The following PCSK2 variants were observed in gnomAD, a reference collection of about 807,000 sequenced individuals.
PCSK2 encodes the protein neuroendocrine convertase 2.
In PCSK2, 14 loss-of-function variants were observed where a neutral mutation model predicts 69.7. That is an observed-to-expected ratio of 0.20 (90% CI 0.13 to 0.31). The LOEUF (loss-of-function observed/expected upper bound fraction) is 0.31, where lower values mean the gene tolerates loss of function less well. Ranked by LOEUF, PCSK2 falls within the 10% of genes least tolerant of loss-of-function variation. The probability of loss-of-function intolerance (pLI) is 1.00; values close to 1 mark genes in which losing one functional copy is unlikely to be tolerated. For missense variants in PCSK2, 544 were observed against 842.5 expected, an observed-to-expected ratio of 0.65 and a Z score of 4.39; for synonymous variants, 307 against 320.7, an observed-to-expected ratio of 0.96 and a Z score of 0.46.
intron 2 of PCSK2, among the ~76,000 whole-genome samples, chr20:17,340,760 C>T (rs1990488836): frequency 6.6e-6 from 1 of 152,120 alleles, no homozygotes; most frequent in South Asian, 2.1e-4. Flanking sequence ...CTCCCCTGTT[C>T]CTTGCATTTT....
chr20:17,278,489 A>G (rs1988178656), intron 2 of PCSK2, among the ~76,000 whole-genome samples: 1 of 152,116 alleles, frequency 6.6e-6, no homozygotes. Flanking sequence ...CAAACACCGC[A>G]TGTTCTCACT....
chr20:17,478,936 A>T (rs1291562847), intron 11 of PCSK2: 1 of 590,056 alleles, frequency 1.7e-6, no homozygotes, highest in East Asian at 3.0e-5. Context: ...AATTGCTATG[A>T]TATTGCTTGC....
chr20:17,294,836 G>GT (rs1988834804), intron 2 of PCSK2, among the ~76,000 whole-genome samples: 1 of 152,104 alleles, frequency 6.6e-6, no homozygotes, highest in South Asian at 2.1e-4. Flanking sequence ...ATGTTTGCCT[G>GT]TTTTCCTCCA....
chr20:17,233,039 G>T (rs1986201812), intron 1 of PCSK2, among the ~76,000 whole-genome samples: 1 of 152,158 alleles, frequency 6.6e-6, no homozygotes, highest in Non-Finnish European at 1.5e-5. Context: ...TCCATTTGGT[G>T]CTTTGATGAT....
intron 2 of PCSK2, among the ~76,000 whole-genome samples, chr20:17,292,226 T>C (rs1049731265): frequency 6.6e-6 from 1 of 152,202 alleles, no homozygotes; most frequent in African/African-American, 2.4e-5. Flanking sequence ...ATTTCTTTCA[T>C]GGCCTCAATT....
At chr20:17,455,273 T>C (rs1371935689) in intron 9 of PCSK2, among the ~76,000 whole-genome samples, 2 of 152,154 alleles carry the variant, frequency 1.3e-5, no homozygotes, top group Non-Finnish European at 1.5e-5. Context: ...TGGTAATTTC[T>C]TCCTCAAAAT....
chr20:17,373,056 C>A (rs1022191323), intron 5 of PCSK2, among the ~76,000 whole-genome samples: 1 of 152,094 alleles, frequency 6.6e-6, no homozygotes, highest in African/African-American at 2.4e-5. Context: ...GAGGGATGAG[C>A]CAGCCTGGTG....
intron 1 of PCSK2, 94 bp from the exon 2 acceptor site, chr20:17,260,146 A>T: frequency 1.3e-6 from 1 of 776,112 alleles, no homozygotes; most frequent in East Asian, 2.4e-5. Flanking sequence ...TCCCTACCCC[A>T]TGGAGCCCCT....
At chr20:17,302,025 C>T (rs564449723) in intron 2 of PCSK2, among the ~76,000 whole-genome samples, 5 of 152,104 alleles carry the variant, frequency 3.3e-5, no homozygotes, top group South Asian at 2.1e-4. Flanking sequence ...AGTGTGTGAA[C>T]CCAGAAATAC....
Position 17,436,894 on chromosome 20 carries a change from C to G in PCSK2, c.885+11C>G. 6 of 1,593,936 alleles carry G rather than the reference C, an allele frequency of 3.8e-6. No homozygotes were observed. The highest frequency in any genetic ancestry group is 5.1e-6 in the Non-Finnish European group (6 of 1,171,040). The stretch of plus-strand genomic sequence containing the variant: ...GATGGCGTGAACAAGGTAAGGGGGC[C>G]GGCCCCCTAGGCCCCGGCCACTCAC... On this transcript the variant is annotated intron_variant, in intron 8 of 11. Transcript: ENST00000262545.
At chr20:17,475,826 A>T (rs913477928) in intron 11 of PCSK2, among the ~76,000 whole-genome samples, 2 of 152,140 alleles carry the variant, frequency 1.3e-5, no homozygotes, top group African/African-American at 4.8e-5. Flanking sequence ...AATGATTGCC[A>T]CTCAGTTACA....
chr20:17,303,481 TATATATTATA>T (rs1989191796), intron 2 of PCSK2, among the ~76,000 whole-genome samples: 1 of 49,776 alleles, frequency 2.0e-5, no homozygotes, highest in Non-Finnish European at 4.1e-5. Flanking sequence ...TTATATATAA[TATATATTATA>T]TTTAATATAA....
intron 2 of PCSK2, among the ~76,000 whole-genome samples, chr20:17,332,673 T>A (rs901201072): frequency 2.6e-5 from 4 of 152,200 alleles, no homozygotes; most frequent in Non-Finnish European, 5.9e-5. Flanking sequence ...TTTGTTTTAA[T>A]AAGCTTTCCT....
chr20:17,437,272 G>C (rs1253243700), intron 8 of PCSK2, among the ~76,000 whole-genome samples: 1 of 152,206 alleles, frequency 6.6e-6, no homozygotes, highest in African/African-American at 2.4e-5. Context: ...GGGTCTCGGC[G>C]CACACAGGGC....
intron 2 of PCSK2, among the ~76,000 whole-genome samples, chr20:17,284,107 G>A (rs921173873): frequency 6.6e-6 from 1 of 152,130 alleles, no homozygotes; most frequent in Admixed American, 6.5e-5. Flanking sequence ...ATCTGGTTTG[G>A]GAGTTAACAA....
intron 2 of PCSK2, among the ~76,000 whole-genome samples, chr20:17,273,638 A>G (rs529805020): frequency 6.6e-6 from 1 of 152,306 alleles, no homozygotes; most frequent in East Asian, 1.9e-4. Flanking sequence ...AGTGTTCCTT[A>G]AACTGTGTTA....
At chr20:17,458,470 T>A (rs909158952) in intron 10 of PCSK2, among the ~76,000 whole-genome samples, 1 of 152,170 alleles carries the variant, frequency 6.6e-6, no homozygotes, top group Non-Finnish European at 1.5e-5. Context: ...TCTGGAGAAG[T>A]AAACTCCAAG....
intron 2 of PCSK2, among the ~76,000 whole-genome samples, chr20:17,299,614 T>A (rs1989010013): frequency 6.6e-6 from 1 of 152,082 alleles, no homozygotes; most frequent in African/African-American, 2.4e-5. Flanking sequence ...ATACTAGATA[T>A]CCTCAGCCCA....
At chr20:17,430,236 C>CAGACAG (rs1441292044) in intron 7 of PCSK2, among the ~76,000 whole-genome samples, 14 of 152,134 alleles carry the variant, frequency 9.2e-5, no homozygotes, top group African/African-American at 3.1e-4. Context: ...GAGAGAGACA[C>CAGACAG]AGACAGAGAC....
Sources: gnomAD v4.1 joint callset for allele counts (sites outside exome capture counted in the v4.1 genomes callset) on GRCh38, gnomAD v4.1.1 for gene constraint, MANE v1.5 for transcripts, NCBI Gene and HGNC (gene_info 2026-07-23, HGNC 2026-07-21) for gene names.